The following C7 variants were observed in gnomAD, a reference collection of about 807,000 sequenced individuals.
C7 encodes the protein complement component C7.
In C7, 83 loss-of-function variants were observed where a neutral mutation model predicts 104.8. The observed-to-expected ratio is 0.79, with a 90% CI of 0.66 to 0.95. The LOEUF (loss-of-function observed/expected upper bound fraction) is 0.95, where lower values mean the gene tolerates loss of function less well. C7 is among the 40% of genes least tolerant of loss of function. The pLI is 0.00. For synonymous variants in C7, 415 were observed against 360.6 expected (o/e 1.15, Z -1.71); for missense variants, 1,070 against 1,011.2 (o/e 1.06, Z -0.79).
At chr5:40,926,850 A>G (rs559966540) in intron 1 of C7, among the ~76,000 whole-genome samples, 1 of 151,670 alleles carries the variant, frequency 6.6e-6, no homozygotes, top group African/African-American at 2.4e-5. Flanking sequence ...TTTTAATGCA[A>G]TCTTTATCAA....
At chr5:40,937,812 A>C in intron 6 of C7, 122 bp downstream of exon 6, 1 of 824,598 alleles carries the variant, frequency 1.2e-6, no homozygotes, top group Non-Finnish European at 1.8e-6. Flanking sequence ...ATTTTTATAA[A>C]TGTTTTATGT....
chr5:40,978,905 A>G (rs1740877441), intron 16 of C7, among the ~76,000 whole-genome samples: 1 of 61,894 alleles, frequency 1.6e-5, no homozygotes, highest in African/African-American at 5.2e-5. Context: ...TTTGGGACAC[A>G]GTTTCATTCA....
At chr5:40,954,809 G>T (rs886253156) in intron 9 of C7, 2 of 178,684 alleles carry the variant, frequency 1.1e-5, no homozygotes, top group East Asian at 3.4e-4. Flanking sequence ...GCTTGAACCT[G>T]GGGGGCAGAG....
intron 4 of C7, 81 bp from the exon 5 acceptor site, chr5:40,936,257 C>A: frequency 7.8e-7 from 1 of 1,287,048 alleles, no homozygotes; most frequent in Non-Finnish European, 1.1e-6. Flanking sequence ...TTACAGGTAG[C>A]AGGAAAACCC....
Position 40,949,945 on chromosome 5 carries a change from T to A in C7, c.1024T>A (p.Trp342Arg). Reference protein sequence around the residue: ...VEEKKCKSSGWHFVVKFSSHG... With the variant: ...VEEKKCKSSGRHFVVKFSSHG... ...AGAAAAGAAATGTAAATCCTCAGGT[T>A]GGCATTTTGTCGTTAAATTTTCAAG... Residue 342 changes from tryptophan to arginine, a missense_variant, in exon 9 of 18, where the codon TGG becomes AGG. By Grantham distance (101) the Trp-to-Arg change is moderately radical. Transcript: ENST00000313164. 1 of 1,600,828 alleles carries A rather than the reference T, an allele frequency of 6.2e-7. No individual in the cohort carries two copies. The highest frequency in any genetic ancestry group is 1.1e-5 in the South Asian group (1 of 88,440).
Position 40,959,535 on chromosome 5 carries a change from C to A in C7, c.1576C>A (p.Pro526Thr), listed in dbSNP as rs777202847. 1.2e-6 allele frequency: 2 copies of A among 1,611,376 alleles called. No individual in the cohort carries two copies. The highest frequency in any genetic ancestry group is 2.7e-5 in the African/African-American group (2 of 74,834). ...AACAAGAAGCCGTGAATGCAATAAC[C>A]CACCTCCCAGTGGGGGTGGGAGATC... is the stretch of plus-strand genomic sequence containing the variant. ...KKTRSRECNN[P>T]PPSGGGRSCV... Residue 526 changes from proline (P) to threonine (T), a missense_variant, in exon 12 of 18, where the codon CCA becomes ACA. Pro to Thr is a conservative substitution (Grantham distance 38). Transcript: ENST00000313164.
intron 1 of C7, among the ~76,000 whole-genome samples, chr5:40,918,989 CACAG>C (rs1739384486): frequency 6.7e-6 from 1 of 148,588 alleles, no homozygotes; most frequent in African/African-American, 2.5e-5. Context: ...CACACACACA[CACAG>C]AACATTCCAT....
chr5:40,949,905 T>C lies in C7; in HGVS notation c.984T>C (p.Asp328=). 6.4e-7 allele frequency: 1 copy of C among 1,562,700 alleles called. No individual in the cohort carries two copies. The highest frequency in any genetic ancestry group is 1.7e-4 in the Middle Eastern group (1 of 5,940). Residue 328 remains aspartate (D), a splice_region_variant and synonymous_variant, in exon 9 of 18, where the codon GAT becomes GAC. Coordinates refer to ENST00000313164, the MANE Select transcript of C7 (RefSeq NM_000587.4). ...YVDSEKLKQN[D]FNSVEEKKCK... Reference sequence around the variant, plus strand: ...TCTCTTTTACATTTTCTCCCCTAGATTTTAATTCAGTCGAAGAAAAGAAAT... The same window carrying C: ...TCTCTTTTACATTTTCTCCCCTAGACTTTAATTCAGTCGAAGAAAAGAAAT...
At chr5:40,954,427 C>T (rs1051883849) in intron 9 of C7, among the ~76,000 whole-genome samples, 1 of 152,132 alleles carries the variant, frequency 6.6e-6, no homozygotes, top group East Asian at 1.9e-4. Context: ...AAGTAAGTTT[C>T]AGATATCATA....
At position 40,965,640 on chromosome 5, in the gene C7, A is replaced by T. The variant is rs1373708343; in HGVS notation, c.1882+767A>T. Among the ~76,000 whole-genome samples the T allele has an allele frequency of 1.8e-3, 106 of 58,032 alleles. 7 individuals carry two copies. The Middle Eastern group carries it at 0.034, about 19-fold the overall frequency. The allele number at this position is 58,032 out of a possible 152,430, so 38.1% of individuals were successfully genotyped here. A position where few individuals can be genotyped will look rare whatever the true frequency, so the allele number is the denominator to read the frequency against. On this transcript the variant is annotated intron_variant, in intron 14 of 17. Coordinates refer to ENST00000313164, the MANE Select transcript of C7 (RefSeq NM_000587.4). ...TGAGTGTATAGTGATATATATATAT[A>T]TATATATATTTTTTTTTTGGAGACA...
intron 6 of C7, among the ~76,000 whole-genome samples, chr5:40,939,842 C>T (rs963849437): frequency 2.6e-5 from 4 of 152,182 alleles, no homozygotes; most frequent in East Asian, 1.9e-4. Context: ...TTATTAACAA[C>T]GTGATCCTGA....
At chr5:40,963,374 C>T (rs1227196154) in intron 13 of C7, among the ~76,000 whole-genome samples, 1 of 152,142 alleles carries the variant, frequency 6.6e-6, no homozygotes, top group Non-Finnish European at 1.5e-5. Context: ...AATCAGACTT[C>T]CTCATATGAA....
At chr5:40,950,482 G>A (rs1186302885) in intron 9 of C7, among the ~76,000 whole-genome samples, 1 of 151,686 alleles carries the variant, frequency 6.6e-6, no homozygotes, top group African/African-American at 2.4e-5. Context: ...CCGTGTCTTC[G>A]CTATTGTGAA....
Position 40,936,489 on chromosome 5 carries a change from A to G in C7, c.428+4A>G. The G allele has an allele frequency of 6.2e-7, 1 of 1,612,536 alleles. No individual in the cohort carries two copies. The highest frequency in any genetic ancestry group is 8.5e-7 in the Non-Finnish European group (1 of 1,179,094). ...ACATAGAACTTACTGGAAATGGGTAAGGTGCTGGGCAGCCTCCTGAGTACA... is the reference window on the plus strand; with the variant it reads ...ACATAGAACTTACTGGAAATGGGTAGGGTGCTGGGCAGCCTCCTGAGTACA... On this transcript the variant is annotated splice_donor_region_variant and intron_variant, in intron 5 of 17. Transcript: ENST00000313164.
chr5:40,938,407 G>A (rs1328229017), intron 6 of C7, among the ~76,000 whole-genome samples: 1 of 151,934 alleles, frequency 6.6e-6, no homozygotes, highest in Non-Finnish European at 1.5e-5. Context: ...TTATGGATTT[G>A]AGATTTACTC....
At position 40,983,692 on chromosome 5, in the gene C7, A is replaced by G. The variant is rs769846787; in HGVS notation, c.*2119A>G. On this transcript the variant is annotated 3_prime_UTR_variant, in exon 18 of 18. Coordinates refer to ENST00000313164, the MANE Select transcript of C7 (RefSeq NM_000587.4). ...AGGAGAAAGTCATTTTTAAGATTAA[A>G]TTTTTAAAAATGTTTTGAAACTTCC... 1.1e-4 allele frequency among the ~76,000 whole-genome samples: 17 copies of G among 152,186 alleles called. No individual in the cohort carries two copies. The highest frequency in any genetic ancestry group is 2.1e-4 in the Non-Finnish European group (14 of 68,044).
At chr5:40,965,648 A>ATTTTTT (rs1554043910) in intron 14 of C7, among the ~76,000 whole-genome samples, 2,851 of 130,162 alleles carry the variant, frequency 0.022, 71 homozygotes, top group Middle Eastern at 0.031. Flanking sequence ...ATATATATAT[A>ATTTTTT]TTTTTTTTTT....
At chr5:40,954,888 A>AAAAAAG (rs1442455310) in intron 9 of C7, 43 of 291,332 alleles carry the variant, frequency 1.5e-4, no homozygotes, top group South Asian at 2.2e-4. Flanking sequence ...AAAAAAAAAA[A>AAAAAAG]AAAAAAAAAA....
chr5:40,933,128 C>T (rs1213305787), intron 3 of C7, among the ~76,000 whole-genome samples: 1 of 152,126 alleles, frequency 6.6e-6, no homozygotes, highest in East Asian at 1.9e-4. Context: ...ACTCATATTC[C>T]TCTGTGGCTC....
Sources: allele counts gnomAD v4.1 joint callset (sites outside exome capture counted in the v4.1 genomes callset), GRCh38; gene constraint gnomAD v4.1.1; transcripts MANE v1.5; gene names NCBI Gene and HGNC (gene_info 2026-07-23, HGNC 2026-07-21).